Variants in APBA2 observed in about 807,000 individuals in gnomAD.
APBA2 encodes the protein amyloid-beta A4 precursor protein-binding family A member 2.
Under a neutral mutation model 75.0 loss-of-function variants are expected in APBA2, and 30 were observed. The ratio of observed to expected loss-of-function variants is 0.40; its 90% CI spans 0.30 to 0.54. APBA2 has a LOEUF of 0.54. APBA2 is among the 20% of genes least tolerant of loss of function. The probability of loss-of-function intolerance (pLI) is 0.49; values close to 1 mark genes in which losing one functional copy is unlikely to be tolerated. For missense variants in APBA2, 801 were observed against 1,016.1 expected, an observed-to-expected ratio of 0.79 and a Z score of 2.88; for synonymous variants, 444 against 409.6, an observed-to-expected ratio of 1.08 and a Z score of -1.01.
chr15:28,907,423 A>T (rs2033184790), intron 1 of APBA2, among the ~76,000 whole-genome samples: 1 of 152,014 alleles, frequency 6.6e-6, no homozygotes, highest in Admixed American at 6.5e-5. Context: ...TTACCTCTTC[A>T]TTCCTCTTCT....
chr15:28,961,997 C>T (rs2036497273), intron 2 of APBA2, among the ~76,000 whole-genome samples: 1 of 152,122 alleles, frequency 6.6e-6, no homozygotes, highest in African/African-American at 2.4e-5. Context: ...GCATGTGATT[C>T]TTCTACTTCA....
At chr15:29,105,654 C>A in intron 11 of APBA2, 96 bp downstream of exon 11, 3 of 1,353,522 alleles carry the variant, frequency 2.2e-6, no homozygotes, top group South Asian at 1.2e-5. Flanking sequence ...CTCACGCACA[C>A]CCTTGCCTTC....
rs963755818 is a variant in APBA2, at chr15:29,058,735, G to A, written c.951+3900G>A. Among the ~76,000 whole-genome samples, 3 of 53,172 alleles carry A rather than the reference G, an allele frequency of 5.6e-5. No individual in the cohort carries two copies. The Admixed American group carries it at 6.7e-4, about 12-fold the overall frequency. 34.9% of individuals were successfully genotyped at this position (53,172 alleles called of 152,430 possible). A position where few individuals can be genotyped will look rare whatever the true frequency, so the allele number is the denominator to read the frequency against. ...AGTTTCTAAAATTGTAGGAAGACAG[G>A]TTGGGGAACAGAGATCTACACTTGA... On this transcript the variant is annotated intron_variant, in intron 4 of 14. Coordinates refer to ENST00000683413, the MANE Select transcript of APBA2 (RefSeq NM_001353788.2).
At chr15:29,065,438 C>A (rs773381188) in intron 4 of APBA2, among the ~76,000 whole-genome samples, 5 of 152,222 alleles carry the variant, frequency 3.3e-5, no homozygotes, top group Non-Finnish European at 7.3e-5. Context: ...ATTCAGATCA[C>A]AACCAGTGCC....
At chr15:28,889,339 T>C (rs2031977402) in intron 1 of APBA2, among the ~76,000 whole-genome samples, 1 of 152,200 alleles carries the variant, frequency 6.6e-6, no homozygotes, top group African/African-American at 2.4e-5. Context: ...GGGGTGCCAC[T>C]GCTGTGTGCA....
chr15:28,990,127 A>G (rs925250975), intron 2 of APBA2, among the ~76,000 whole-genome samples: 3 of 152,326 alleles, frequency 2.0e-5, no homozygotes, highest in Admixed American at 2.0e-4. Context: ...TGTCAACCCT[A>G]CACAGAAGAA....
At chr15:28,908,562 G>A (rs1294259371) in intron 1 of APBA2, among the ~76,000 whole-genome samples, 2 of 152,130 alleles carry the variant, frequency 1.3e-5, no homozygotes, top group African/African-American at 2.4e-5. Flanking sequence ...ACCCGCCTCC[G>A]CCTGTCAAAG....
At chr15:29,026,127 A>G (rs1238601562) in intron 3 of APBA2, among the ~76,000 whole-genome samples, 2 of 152,110 alleles carry the variant, frequency 1.3e-5, no homozygotes, top group African/African-American at 4.8e-5. Flanking sequence ...CTACCCAGCA[A>G]CCTTCATTTA....
intron 2 of APBA2, among the ~76,000 whole-genome samples, chr15:28,922,874 C>T (rs903429674): frequency 3.3e-5 from 5 of 152,198 alleles, no homozygotes; most frequent in African/African-American, 9.7e-5. Flanking sequence ...CACCATGCAC[C>T]GTGCTGAGGA....
chr15:29,001,399 G>A (rs567924266), intron 3 of APBA2, among the ~76,000 whole-genome samples: 1 of 152,108 alleles, frequency 6.6e-6, no homozygotes, highest in Non-Finnish European at 1.5e-5. Context: ...TTTGTAGAGA[G>A]GGCATTTCAC....
At chr15:29,013,786 T>TA (rs1263964855) in intron 3 of APBA2, among the ~76,000 whole-genome samples, 2 of 152,216 alleles carry the variant, frequency 1.3e-5, no homozygotes, top group African/African-American at 4.8e-5. Flanking sequence ...ACAGTGTAAT[T>TA]ACTGGTGCAG....
At chr15:29,077,369 C>T (rs2042896593) in intron 6 of APBA2, among the ~76,000 whole-genome samples, 1 of 152,168 alleles carries the variant, frequency 6.6e-6, no homozygotes, top group Admixed American at 6.5e-5. Context: ...TTGCCAGTCA[C>T]ACTGCTCCAG....
intron 6 of APBA2, among the ~76,000 whole-genome samples, chr15:29,086,453 A>G (rs182510611): frequency 1.6e-4 from 24 of 152,356 alleles, no homozygotes; most frequent in Non-Finnish European, 2.6e-4. Context: ...ATTTTTTAAG[A>G]TCAAATAACG....
At position 28,999,934 on chromosome 15, in the gene APBA2, T is replaced by G. The variant is rs527604170; in HGVS notation, c.-41+4128T>G. Reference sequence around the variant, plus strand: ...AGATTCCAGTCCAGGCCGAAAGGCCTGAGAACCAGCAGCATGGAGGGCAGA... The same window carrying G: ...AGATTCCAGTCCAGGCCGAAAGGCCGGAGAACCAGCAGCATGGAGGGCAGA... On this transcript the variant is annotated intron_variant, in intron 3 of 14. Transcript: ENST00000683413. Among the ~76,000 whole-genome samples the G allele has an allele frequency of 2.0e-5, 3 of 152,240 alleles. No individual in the cohort carries two copies. The South Asian group carries it at 6.2e-4, about 32-fold the overall frequency.
chr15:29,059,105 C>T (rs2042024771), intron 4 of APBA2, among the ~76,000 whole-genome samples: 1 of 152,246 alleles, frequency 6.6e-6, no homozygotes, highest in African/African-American at 2.4e-5. Context: ...ACCCAACTCT[C>T]ACGTTCCCAG....
intron 9 of APBA2, among the ~76,000 whole-genome samples, chr15:29,101,135 A>T (rs1243427283): frequency 3.3e-5 from 5 of 151,900 alleles, no homozygotes; most frequent in African/African-American, 7.3e-5. Flanking sequence ...TGCAGTGCAC[A>T]TGACAGCCCT....
intron 3 of APBA2, among the ~76,000 whole-genome samples, chr15:29,007,884 C>T (rs187545512): frequency 1.6e-4 from 25 of 152,228 alleles, no homozygotes; most frequent in Non-Finnish European, 5.9e-5. Context: ...TGGGCATATG[C>T]CCAAGGGAAG....
intron 3 of APBA2, among the ~76,000 whole-genome samples, chr15:29,005,081 C>G (rs2039043513): frequency 6.6e-6 from 1 of 152,152 alleles, no homozygotes; most frequent in South Asian, 2.1e-4. Context: ...GCTTCTGGTC[C>G]TCAGGCCACA....
chr15:29,108,475 T>C (rs779280739), intron 13 of APBA2, 86 bp downstream of exon 13: 1 of 1,603,772 alleles, frequency 6.2e-7, no homozygotes, highest in Non-Finnish European at 8.5e-7. Context: ...GGGCAGGCTA[T>C]GTCTGGCAGC....
Sources: allele counts gnomAD v4.1 joint callset (sites outside exome capture counted in the v4.1 genomes callset), GRCh38; gene constraint gnomAD v4.1.1; transcripts MANE v1.5; gene names NCBI Gene and HGNC (gene_info 2026-07-23, HGNC 2026-07-21).